The following INCENP variants were observed in gnomAD, a reference collection of about 807,000 sequenced individuals.
INCENP encodes binds and activates aurora-B and -C in vivo and in vitro.
In INCENP, 43 loss-of-function variants were observed where a neutral mutation model predicts 107.3. That is an observed-to-expected ratio of 0.40 (90% CI 0.31 to 0.52). The LOEUF (loss-of-function observed/expected upper bound fraction) is 0.52, where lower values mean the gene tolerates loss of function less well. INCENP is among the 20% of genes least tolerant of loss of function. The probability of loss-of-function intolerance (pLI) is 0.53; values close to 1 mark genes in which losing one functional copy is unlikely to be tolerated. For synonymous variants in INCENP, 488 were observed against 494.4 expected, an observed-to-expected ratio of 0.99 and a Z score of 0.17; for missense variants, 1,089 against 1,250.9, an observed-to-expected ratio of 0.87 and a Z score of 1.95.
At chr11:62,135,832 T>A (rs1943981627) in intron 4 of INCENP, among the ~76,000 whole-genome samples, 1 of 151,994 alleles carries the variant, frequency 6.6e-6, no homozygotes, top group African/African-American at 2.4e-5. Flanking sequence ...CTTTTTGAGA[T>A]GGAGTCTTGC....
intron 13 of INCENP, 24 bp downstream of exon 13, chr11:62,145,313 C>A (rs1417753197): frequency 1.2e-6 from 2 of 1,613,104 alleles, no homozygotes; most frequent in Non-Finnish European, 1.7e-6. Flanking sequence ...CTGTGGAGGC[C>A]CAGGCAATTC....
chr11:62,151,203 C>T (rs1383554048), intron 18 of INCENP, among the ~76,000 whole-genome samples: 2 of 152,184 alleles, frequency 1.3e-5, no homozygotes, highest in East Asian at 1.9e-4. Flanking sequence ...CCCTTAGAGC[C>T]GCACCTGGTG....
Position 62,138,951 on chromosome 11 carries a change from C to T in INCENP, c.1237C>T (p.Pro413Ser), listed in dbSNP as rs1456941532. ...TGACACGGAGATTGCCAACAGCACA[C>T]CCAACCCGAAGCCTGCAGCCAGCAG... ...HNDTEIANST[P>S]NPKPAASSPE... is the part of the protein sequence containing the mutation. Residue 413 changes from proline (P) to serine (S), a missense_variant, in exon 7 of 19, where the codon CCC (proline) becomes TCC (serine). Pro to Ser is a moderately conservative substitution (Grantham distance 74, BLOSUM62 -1). Transcript: ENST00000394818. The T allele has an allele frequency of 1.2e-6, 2 of 1,614,022 alleles. No homozygotes were observed. Among genetic ancestry groups the T allele is most frequent in the Admixed American group, 3.3e-5 (2 of 60,012 alleles).
chr11:62,147,913 G>A (rs577428173), intron 15 of INCENP, among the ~76,000 whole-genome samples: 1 of 152,306 alleles, frequency 6.6e-6, no homozygotes, highest in East Asian at 1.9e-4. Context: ...TACCCGAGCT[G>A]CATGCTTTAC....
At chr11:62,144,912 G>A in intron 11 of INCENP, 70 bp from the exon 12 acceptor site, 2 of 1,391,478 alleles carry the variant, frequency 1.4e-6, no homozygotes, top group Non-Finnish European at 2.0e-6. Flanking sequence ...GGGACTGTGG[G>A]CAGCTTTTGG....
At position 62,153,120 on chromosome 11, in the gene INCENP, GT is replaced by G. The variant is rs923848425; in HGVS notation, c.*1146del. 6.6e-6 allele frequency: 1 copy of G among 152,244 alleles called. No homozygotes were observed. The highest frequency in any genetic ancestry group is 2.4e-5 in the African/African-American group (1 of 41,468). 9.4% of individuals were successfully genotyped at this position (152,244 alleles called of 1,614,324 possible). A position where few individuals can be genotyped will look rare whatever the true frequency, so the allele number is the denominator to read the frequency against. On this transcript the variant is annotated 3_prime_UTR_variant, in exon 19 of 19. Coordinates refer to ENST00000394818, the MANE Select transcript of INCENP (RefSeq NM_001040694.2). ...GTTTACTATTTGAACTTTTTCAGAAGTTCTGCTTAAGGACAAAATAAAGCCT... is the reference window on the plus strand; with the variant it reads ...GTTTACTATTTGAACTTTTTCAGAAGTCTGCTTAAGGACAAAATAAAGCCT...
rs151236993 is a variant in INCENP, at chr11:62,145,673, G to A, written c.1881G>A (p.Ala627=). The A allele has an allele frequency of 4.8e-5, 75 of 1,577,248 alleles. No homozygotes were observed. The Admixed American group carries it at 5.0e-4, about 10-fold the overall frequency. ...CAGAGGAGAAGGCCAAGAAAAAGGC[G>A]GCGGCCAAGAAGATGGAGGAGGTGG... ...RLAEEKAKKK[A]AAKKMEEVEA... is the part of the protein sequence containing the mutation. Residue 627 remains alanine, a synonymous_variant, in exon 14 of 19, where the codon GCG becomes GCA. Coordinates refer to ENST00000394818, the MANE Select transcript of INCENP (RefSeq NM_001040694.2).
rs896843389 is a variant in INCENP, at chr11:62,124,045, C to G, written c.-130C>G. The G allele has an allele frequency of 6.6e-6, 1 of 152,282 alleles. No homozygotes were observed. Among genetic ancestry groups the G allele is most frequent in the South Asian group, 2.1e-4 (1 of 4,836 alleles). 9.4% of individuals were successfully genotyped at this position (152,282 alleles called of 1,614,324 possible). Reference sequence around the variant, plus strand: ...GCCCGCGCTGCGCCGCCTGGTTGCTCCTCCCGTGCGGTGAGTCCCGAAGGC... The same window carrying G: ...GCCCGCGCTGCGCCGCCTGGTTGCTGCTCCCGTGCGGTGAGTCCCGAAGGC... On this transcript the variant is annotated 5_prime_UTR_variant, in exon 1 of 19. Transcript: ENST00000394818.
chr11:62,127,772 G>C (rs1279329071), intron 1 of INCENP, among the ~76,000 whole-genome samples: 1 of 152,186 alleles, frequency 6.6e-6, no homozygotes, highest in African/African-American at 2.4e-5. Context: ...GGAGTGAGGG[G>C]CCCTGGGGTG....
intron 2 of INCENP, among the ~76,000 whole-genome samples, 186 bp from the exon 3 acceptor site, chr11:62,128,584 G>A (rs769203231): frequency 3.9e-5 from 6 of 152,212 alleles, no homozygotes; most frequent in African/African-American, 1.2e-4. Context: ...CTTCCCTGCC[G>A]TGTCTCCAGG....
intron 10 of INCENP, 138 bp from the exon 11 acceptor site, chr11:62,141,362 G>A (rs1481130038): frequency 9.0e-7 from 1 of 1,108,736 alleles, no homozygotes; most frequent in Non-Finnish European, 1.4e-6. Context: ...TTGGGTGACA[G>A]GAGAGGCGGT....
chr11:62,141,221 C>T, intron 10 of INCENP, among the ~76,000 whole-genome samples, 177 bp downstream of exon 10: 1 of 152,214 alleles, frequency 6.6e-6, no homozygotes, highest in Non-Finnish European at 1.5e-5. Flanking sequence ...CCTCTGAGGG[C>T]ACTGTCCTGC....
At position 62,141,581 on chromosome 11, in the gene INCENP, C is replaced by T. The variant is rs1944124346; in HGVS notation, c.1605+70C>T. Reference sequence around the variant, plus strand: ...CTCACCCGCTGTAGCCCCTTCCCTGCGTAGCTGACAGCACCTGTAGATGCA... The same window carrying T: ...CTCACCCGCTGTAGCCCCTTCCCTGTGTAGCTGACAGCACCTGTAGATGCA... On this transcript the variant is annotated intron_variant, in intron 11 of 18. Transcript: ENST00000394818. 31 of 1,573,328 alleles carry T rather than the reference C, an allele frequency of 2.0e-5. No individual in the cohort carries two copies. The Middle Eastern group carries it at 6.7e-4, about 34-fold the overall frequency.
At chr11:62,131,847 G>A (rs111493982) in intron 4 of INCENP, among the ~76,000 whole-genome samples, 21 of 151,966 alleles carry the variant, frequency 1.4e-4, no homozygotes, top group African/African-American at 4.8e-4. Context: ...GCACGATCTC[G>A]GCTCACTGCA....
chr11:62,138,692 G>A, intron 5 of INCENP, 21 bp from the exon 6 acceptor site: 1 of 1,613,422 alleles, frequency 6.2e-7, no homozygotes, highest in Non-Finnish European at 8.5e-7. Flanking sequence ...AGTCCCCTCA[G>A]AGTCCCTCTT....
chr11:62,146,855 G>A lies in INCENP; in HGVS notation c.2157G>A (p.Leu719=), dbSNP rs1455557178. Residue 719 remains leucine (L), a synonymous_variant, in exon 15 of 19, where the codon CTG becomes CTA. Coordinates refer to ENST00000394818, the MANE Select transcript of INCENP (RefSeq NM_001040694.2). Reference sequence around the variant, plus strand: ...AGCGGCGCGAGCAGGAGCGACAGCTGGCAGAGCAGGAGCGTCGGCGGGAGC... The same window carrying A: ...AGCGGCGCGAGCAGGAGCGACAGCTAGCAGAGCAGGAGCGTCGGCGGGAGC... ...EQERREQERQ[L]AEQERRREQE... The A allele has an allele frequency of 2.5e-6, 4 of 1,582,650 alleles. No homozygotes were observed. In the South Asian group the frequency reaches 3.4e-5, roughly 14 times the overall value.
intron 18 of INCENP, 115 bp downstream of exon 18, chr11:62,150,322 G>A (rs1002178874): frequency 1.8e-6 from 2 of 1,132,960 alleles, no homozygotes; most frequent in African/African-American, 3.1e-5. Flanking sequence ...GTGTGCTTCA[G>A]TTGGCAGTTC....
Position 62,130,478 on chromosome 11 carries a change from C to T in INCENP, c.951C>T (p.Val317=), listed in dbSNP as rs775212366. ...PIAPSSPSPQ[V]LAQKYSLVAK... Reference sequence around the variant, plus strand: ...CCCCGTCTTCCCCGAGTCCCCAAGTCTTAGCCCAGAAGTACTCTCTGGTGG... The same window carrying T: ...CCCCGTCTTCCCCGAGTCCCCAAGTTTTAGCCCAGAAGTACTCTCTGGTGG... Residue 317 remains valine (V), a synonymous_variant, in exon 4 of 19, where the codon GTC becomes GTT. Transcript: ENST00000394818. The T allele has an allele frequency of 2.5e-6, 4 of 1,614,144 alleles. No homozygotes were observed. The South Asian group carries it at 4.4e-5, about 18-fold the overall frequency.
intron 8 of INCENP, among the ~76,000 whole-genome samples, 173 bp downstream of exon 8, chr11:62,140,458 G>A (rs977397157): frequency 5.3e-5 from 8 of 152,148 alleles, no homozygotes; most frequent in Non-Finnish European, 7.4e-5. Context: ...GTGGATGAGC[G>A]CAAACCTGGG....
Sources: gnomAD v4.1 joint callset for allele counts (sites outside exome capture counted in the v4.1 genomes callset) on GRCh38, gnomAD v4.1.1 for gene constraint, MANE v1.5 for transcripts, NCBI Gene and HGNC (gene_info 2026-07-23, HGNC 2026-07-21) for gene names.